CEP44: variants seen among roughly 807,000 people sequenced by gnomAD.
CEP44 encodes centrosomal protein of 44 kDa.
A neutral mutation model predicts 46.7 loss-of-function variants in CEP44; 45 were observed. The ratio of observed to expected loss-of-function variants is 0.96; its 90% confidence interval spans 0.76 to 1.24. The LOEUF (loss-of-function observed/expected upper bound fraction) is 1.24. Among genes scored for constraint, CEP44 ranks in the 50% most tolerant of loss-of-function variants. The pLI is 0.00. For missense variants in CEP44, 475 were observed against 459.7 expected (o/e 1.03, Z -0.30); for synonymous variants, 142 against 146.0 (o/e 0.97, Z 0.20).
At chr4:174,285,404 C>G (rs1176075236) in intron 1 of CEP44, 2 of 152,054 alleles carry the variant, frequency 1.3e-5, no homozygotes, top group African/African-American at 4.8e-5. Context: ...CTTTATTTTT[C>G]TGTCTCCTAT....
rs1365013616 is a variant in CEP44, at chr4:174,311,292, A to G, written c.961+434A>G. Among the ~76,000 whole-genome samples, 1 of 152,066 alleles carries G rather than the reference A, an allele frequency of 6.6e-6. No individual in the cohort carries two copies. Among genetic ancestry groups the G allele is most frequent in the Non-Finnish European group, 1.5e-5 (1 of 67,954 alleles). ...CCATGTGAATAGTTCACTGATAATG[A>G]TAAAATGGGAAAGATCTGATATTAG... On this transcript the variant is annotated intron_variant, in intron 9 of 11. Coordinates refer to ENST00000503780, the MANE Select transcript of CEP44 (RefSeq NM_001040157.3). This position sits in a 1 kb window ranked among gnomAD's most constrained non-coding sequence, Gnocchi z 4.4.
chr4:174,316,133 G>A (rs1289396006), intron 9 of CEP44, 33 bp from the exon 10 acceptor site: 2 of 1,603,472 alleles, frequency 1.2e-6, no homozygotes, highest in Non-Finnish European at 1.7e-6. Flanking sequence ...TCTGTGAAAG[G>A]AAAAGGTAAT....
At chr4:174,294,540 TTCTCAATGAGCTGTTGGGTAC>T (rs1247893606) in intron 1 of CEP44, among the ~76,000 whole-genome samples, 1 of 151,610 alleles carries the variant, frequency 6.6e-6, no homozygotes, top group African/African-American at 2.4e-5. Flanking sequence ...TCATGGCCCG[TTCTCAATGAGCTGTTGGGTAC>T]ACCTCCCAGA....
At position 174,288,369 on chromosome 4, in the gene CEP44, T is replaced by A. The variant is rs1737790947; in HGVS notation, c.-148+4426T>A. 6.6e-6 allele frequency among the ~76,000 whole-genome samples: 1 copy of A among 152,194 alleles called. No individual in the cohort carries two copies. Among genetic ancestry groups the A allele is most frequent in the African/African-American group, 2.4e-5 (1 of 41,462 alleles). ...CTAATCACAGACACTGGGTTGTACC[T>A]GCAGATCTTATTTATTTTGCCTAAC... On this transcript the variant is annotated intron_variant, in intron 1 of 11. Transcript: ENST00000503780. This position sits in a 1 kb window ranked among gnomAD's most constrained non-coding sequence, Gnocchi z 4.6.
In CEP44 at chr4:174,319,835, T is replaced by C. The variant is rs75552851; in HGVS notation, c.*2452T>C. ...AGCAAATTCAACTTTATTGGAGTTA[T>C]TGGACAGATCAGCAAATTGTTATTT... On this transcript the variant is annotated 3_prime_UTR_variant, in exon 12 of 12. Transcript: ENST00000503780. 4 of 984,658 alleles carry C rather than the reference T, an allele frequency of 4.1e-6. No individual in the cohort carries two copies. Among genetic ancestry groups the C allele is most frequent in the East Asian group, 1.1e-4 (1 of 8,808 alleles). 61.0% of individuals were successfully genotyped at this position (984,658 alleles called of 1,614,324 possible). A position where few individuals can be genotyped will look rare whatever the true frequency, so the allele number is the denominator to read the frequency against.
In CEP44 at chr4:174,310,695, C is replaced by T. The variant is rs537218607; in HGVS notation, c.886-88C>T. The T allele has an allele frequency of 1.5e-4, 106 of 696,446 alleles. No individual in the cohort carries two copies. In the African/African-American group the frequency reaches 1.7e-3, roughly 11 times the overall value. The allele number at this position is 696,446 out of a possible 1,614,324, so 43.1% of individuals were successfully genotyped here. On this transcript the variant is annotated intron_variant, in intron 8 of 11. Coordinates refer to ENST00000503780, the MANE Select transcript of CEP44 (RefSeq NM_001040157.3). The surrounding 1 kb of genome is among the most constrained non-coding windows in gnomAD (Gnocchi z 4.2). ...AATATTTAAACATTTATCATGCTAC[C>T]TTTATATTTTATGCTCAGCATTAAG...
In CEP44 at chr4:174,309,192, G is replaced by A. The variant is rs772883892; in HGVS notation, c.678+333G>A. 6.6e-6 allele frequency among the ~76,000 whole-genome samples: 1 copy of A among 151,954 alleles called. No individual in the cohort carries two copies. The highest frequency in any genetic ancestry group is 2.4e-5 in the African/African-American group (1 of 41,398). ...TCTCTACCACCTATTTTCTTTATTG[G>A]TGAATGGAAAAGATTGGCACTTTAT... On this transcript the variant is annotated intron_variant, in intron 7 of 11. Coordinates refer to ENST00000503780, the MANE Select transcript of CEP44 (RefSeq NM_001040157.3). The surrounding 1 kb of genome is among the most constrained non-coding windows in gnomAD (Gnocchi z 5.3).
intron 3 of CEP44, 98 bp downstream of exon 3, chr4:174,299,308 G>C: frequency 1.1e-6 from 1 of 903,420 alleles, no homozygotes; most frequent in Admixed American, 2.6e-5. Context: ...GATTTTACCT[G>C]GTTCCTATTT....
At chr4:174,284,056 G>T in intron 1 of CEP44, 113 bp downstream of exon 1, 2 of 399,286 alleles carry the variant, frequency 5.0e-6, no homozygotes, top group South Asian at 2.5e-4. Flanking sequence ...GGACTCTGGT[G>T]ACTGTGTATG....
At chr4:174,321,162 A>G (rs1359605780), downstream of CEP44, among the ~76,000 whole-genome samples, 1 of 152,196 alleles carries the variant, frequency 6.6e-6, no homozygotes. Flanking sequence ...TTCATTACAC[A>G]AAGAACCCAA....
rs376388157 is a variant in CEP44, at chr4:174,294,251, G to C, written c.-147-3715G>C. ...TTAGGGAGTGGTGATGACTCTTAAC[G>C]AGCATGCTGCCTTCAAGCATCTGTT... On this transcript the variant is annotated intron_variant, in intron 1 of 11. Coordinates refer to ENST00000503780, the MANE Select transcript of CEP44 (RefSeq NM_001040157.3). Among the ~76,000 whole-genome samples the C allele has an allele frequency of 2.9e-4, 43 of 149,576 alleles. 1 individual carries two copies. The East Asian group carries it at 7.9e-3, about 27-fold the overall frequency.
At position 174,287,927 on chromosome 4, in the gene CEP44, G is replaced by C. The variant is rs1737749123; in HGVS notation, c.-148+3984G>C. On this transcript the variant is annotated intron_variant, in intron 1 of 11. Coordinates refer to ENST00000503780, the MANE Select transcript of CEP44 (RefSeq NM_001040157.3). This position sits in a 1 kb window ranked among gnomAD's most constrained non-coding sequence, Gnocchi z 5.1. ...AATTCTCTTCTTGCATCTGCTAACTGAACGAGAAAATTCTGTGTGTGAGAA... is the reference window on the plus strand; with the variant it reads ...AATTCTCTTCTTGCATCTGCTAACTCAACGAGAAAATTCTGTGTGTGAGAA... Among the ~76,000 whole-genome samples the C allele has an allele frequency of 6.6e-6, 1 of 152,160 alleles. No homozygotes were observed. The highest frequency in any genetic ancestry group is 6.5e-5 in the Admixed American group (1 of 15,278).
rs1416945367 is a variant in CEP44, at chr4:174,319,950, A to C, written c.*2567A>C. 1.0e-6 allele frequency: 1 copy of C among 985,076 alleles called. No homozygotes were observed. The highest frequency in any genetic ancestry group is 4.7e-5 in the South Asian group (1 of 21,282). 61.0% of individuals were successfully genotyped at this position (985,076 alleles called of 1,614,324 possible). A position where few individuals can be genotyped will look rare whatever the true frequency, so the allele number is the denominator to read the frequency against. On this transcript the variant is annotated 3_prime_UTR_variant, in exon 12 of 12. Coordinates refer to ENST00000503780, the MANE Select transcript of CEP44 (RefSeq NM_001040157.3). Reference sequence around the variant, plus strand: ...TTAACTTGAGAAGGTGAAGCAGGGGAGTTCTGAAGAGATTACCTAGAGCTA... The same window carrying C: ...TTAACTTGAGAAGGTGAAGCAGGGGCGTTCTGAAGAGATTACCTAGAGCTA...
At position 174,287,083 on chromosome 4, in the gene CEP44, G is replaced by A. The variant is rs1017150294; in HGVS notation, c.-148+3140G>A. On this transcript the variant is annotated intron_variant, in intron 1 of 11. Coordinates refer to ENST00000503780, the MANE Select transcript of CEP44 (RefSeq NM_001040157.3). The surrounding 1 kb of genome is among the most constrained non-coding windows in gnomAD (Gnocchi z 5.1). Reference sequence around the variant, plus strand: ...AGTGCAAAACATCTTGACTGACAATGGTGGTGGCTTATTAAAGTGAAGAAT... The same window carrying A: ...AGTGCAAAACATCTTGACTGACAATAGTGGTGGCTTATTAAAGTGAAGAAT... Among the ~76,000 whole-genome samples the A allele has an allele frequency of 1.3e-5, 2 of 152,188 alleles. No homozygotes were observed. The highest frequency in any genetic ancestry group is 4.8e-5 in the African/African-American group (2 of 41,444).
At position 174,310,901 on chromosome 4, in the gene CEP44, A is replaced by C. The variant is rs889664763; in HGVS notation, c.961+43A>C. ...ATGAGAATTGGTATGATGAGTTTTC[A>C]GAAAAATGATTGTTATAGTAATTTT... On this transcript the variant is annotated intron_variant, in intron 9 of 11. Transcript: ENST00000503780. This position sits in a 1 kb window ranked among gnomAD's most constrained non-coding sequence, Gnocchi z 4.2. The C allele has an allele frequency of 1.4e-5, 12 of 863,210 alleles. No homozygotes were observed. Among genetic ancestry groups the C allele is most frequent in the Non-Finnish European group, 2.2e-5 (12 of 536,236 alleles). The allele number at this position is 863,210 out of a possible 1,614,324, so 53.5% of individuals were successfully genotyped here. A position where few individuals can be genotyped will look rare whatever the true frequency, so the allele number is the denominator to read the frequency against.
In CEP44 at chr4:174,301,319, CAGACAGATA is replaced by C. The variant is rs1739681903; in HGVS notation, c.90-718_90-710del. On this transcript the variant is annotated intron_variant, in intron 3 of 11. Transcript: ENST00000503780. The surrounding 1 kb of genome is among the most constrained non-coding windows in gnomAD (Gnocchi z 4.3). Reference sequence around the variant, plus strand: ...GAGAAAATAAGACAGGAAACACTACCAGACAGATAAAGACACAGCAGATACTGAGTAGCC... The same window carrying C: ...GAGAAAATAAGACAGGAAACACTACCAAGACACAGCAGATACTGAGTAGCC... 6.6e-6 allele frequency among the ~76,000 whole-genome samples: 1 copy of C among 152,094 alleles called. No individual in the cohort carries two copies. Among genetic ancestry groups the C allele is most frequent in the African/African-American group, 2.4e-5 (1 of 41,436 alleles).
At chr4:174,321,555 T>C (rs1280468756), downstream of CEP44, among the ~76,000 whole-genome samples, 3 of 152,188 alleles carry the variant, frequency 2.0e-5, no homozygotes, top group African/African-American at 7.2e-5. Flanking sequence ...CTTTGAAATA[T>C]CTGTGTTTAT....
chr4:174,321,687 A>G (rs1181534127), downstream of CEP44, among the ~76,000 whole-genome samples: 1 of 152,144 alleles, frequency 6.6e-6, no homozygotes, highest in Non-Finnish European at 1.5e-5. Flanking sequence ...AAGATATGGA[A>G]AGCAATTATT....
intron 1 of CEP44, among the ~76,000 whole-genome samples, chr4:174,294,046 C>CTTTTTTTTTTTTTTTTTTTTTTTTTT (rs764798847): frequency 7.2e-6 from 1 of 138,116 alleles, no homozygotes. Context: ...CATATATCCT[C>CTTTTTTTTTTTTTTTTTTTTTTTTTT]TTTTTTTTTT....
Sources: gnomAD v4.1 joint callset for allele counts (sites outside exome capture counted in the v4.1 genomes callset) on GRCh38, gnomAD v4.1.1 for gene constraint, Gnocchi (gnomAD v3.1) non-coding constraint, MANE v1.5 for transcripts, NCBI Gene and HGNC (gene_info 2026-07-23, HGNC 2026-07-21) for gene names.